The following CHST6 variants were observed in gnomAD, a reference collection of about 807,000 sequenced individuals.
The protein encoded by CHST6 is carbohydrate sulfotransferase 6, also known as N-acetylglucosamine 6-O-sulfotransferase 5.
For synonymous variants in CHST6, 309 were observed against 276.4 expected, an observed-to-expected ratio of 1.12 and a Z score of -1.17; for missense variants, 698 against 586.2, an observed-to-expected ratio of 1.19 and a Z score of -1.97.
At chr16:75,492,589 C>T (rs2080268237) in intron 1 of CHST6, among the ~76,000 whole-genome samples, 1 of 152,224 alleles carries the variant, frequency 6.6e-6, no homozygotes, top group Non-Finnish European at 1.5e-5. Context: ...TGGCTCACGC[C>T]TGTAATCCCA....
At chr16:75,484,534 A>G (rs2151669224) in intron 1 of CHST6, among the ~76,000 whole-genome samples, 1 of 151,942 alleles carries the variant, frequency 6.6e-6, no homozygotes, top group South Asian at 2.1e-4. Flanking sequence ...TACTTTTTGG[A>G]AAAGTTAACA....
At chr16:75,482,208 C>T (rs2080149692) in intron 1 of CHST6, among the ~76,000 whole-genome samples, 1 of 152,164 alleles carries the variant, frequency 6.6e-6, no homozygotes, top group Non-Finnish European at 1.5e-5. Flanking sequence ...CAGTATCTCA[C>T]AGGCCACCCT....
In CHST6 at chr16:75,475,366, G is replaced by C. The variant is rs1271181747; in HGVS notation, c.*3275C>G. The stretch of plus-strand genomic sequence containing the variant: ...CAGGACCAGCCTGGATTCAGAGGTG[G>C]AGAAACAGACTCTACTTCTTGATGG... On this transcript the variant is annotated 3_prime_UTR_variant, in exon 3 of 3. Transcript: ENST00000332272. The C allele has an allele frequency of 2.0e-5, 3 of 152,324 alleles. No homozygotes were observed. In the East Asian group the frequency reaches 5.8e-4, roughly 29 times the overall value. The allele number at this position is 152,324 out of a possible 1,614,324, so 9.4% of individuals were successfully genotyped here.
Position 75,479,307 on chromosome 16 carries a change from C to T in CHST6, c.522G>A (p.Lys174=), listed in dbSNP as rs775925116. The change falls in exon 3 of 3, where the codon AAG becomes AAA. Residue 174 remains lysine, a synonymous_variant. Coordinates refer to ENST00000332272, the MANE Select transcript of CHST6 (RefSeq NM_021615.5). ...ACRSYSHVVL[K]EVRFFNLQVL... ...CCTGCAGGTTGAAGAAGCGCACCTC[C>T]TTGAGCACCACGTGGCTGTAGGAGC... is the stretch of plus-strand genomic sequence containing the variant. 16 of 1,613,254 alleles carry T rather than the reference C, an allele frequency of 9.9e-6. No individual in the cohort carries two copies. In the East Asian group the frequency reaches 2.7e-4, roughly 27 times the overall value.
Position 75,481,878 on chromosome 16 carries a change from A to G in CHST6, c.-78T>C, listed in dbSNP as rs114012239. On this transcript the variant is annotated 5_prime_UTR_variant, in exon 2 of 3. Transcript: ENST00000332272. ...TCACAAATCCATGGGAGATGATTAGAGGTTCCTCAGCACCTGGTAAAGCAG... is the reference window on the plus strand; with the variant it reads ...TCACAAATCCATGGGAGATGATTAGGGGTTCCTCAGCACCTGGTAAAGCAG... 2,152 of 518,768 alleles carry G rather than the reference A, an allele frequency of 4.1e-3. 42 individuals carry two copies. The highest frequency in any genetic ancestry group is 0.038 in the African/African-American group (1,962 of 51,060). The allele number at this position is 518,768 out of a possible 1,614,324, so 32.1% of individuals were successfully genotyped here. A position where few individuals can be genotyped will look rare whatever the true frequency, so the allele number is the denominator to read the frequency against.
Position 75,479,594 on chromosome 16 carries a change from T to C in CHST6, c.235A>G (p.Thr79Ala). The change falls in exon 3 of 3, where the codon ACC becomes GCC. Residue 79 changes from threonine (T) to alanine (A), a missense_variant. By Grantham distance (58) the Thr-to-Ala change is moderately conservative. Transcript: ENST00000332272. ...LMEPAWHVWT[T>A]LSQGSAATLH... ...GTTGCGGCGCTGCCCTGCGACAGGG[T>C]GGTCCACACGTGCCACGCGGGCTCC... 1 of 1,612,802 alleles carries C rather than the reference T, an allele frequency of 6.2e-7. No homozygotes were observed. Among genetic ancestry groups the C allele is most frequent in the African/African-American group, 1.3e-5 (1 of 75,008 alleles).
At chr16:75,489,830 A>T (rs760726408) in intron 1 of CHST6, among the ~76,000 whole-genome samples, 10 of 152,104 alleles carry the variant, frequency 6.6e-5, no homozygotes, top group Non-Finnish European at 1.5e-4. Context: ...AAAGAAAAAA[A>T]TTAAAATGAG....
chr16:75,488,230 G>A (rs957836437), intron 1 of CHST6, among the ~76,000 whole-genome samples: 11 of 151,834 alleles, frequency 7.2e-5, no homozygotes, highest in Non-Finnish European at 1.0e-4. Flanking sequence ...TTGGGAGGCC[G>A]AGGCAGGTGG....
chr16:75,479,637 G>A lies in CHST6; in HGVS notation c.192C>T (p.Pro64=), dbSNP rs1319578198. 1.9e-6 allele frequency: 3 copies of A among 1,612,670 alleles called. No individual in the cohort carries two copies. The highest frequency in any genetic ancestry group is 2.2e-5 in the East Asian group (1 of 44,882). The part of the protein sequence containing the change: ...SFVGQLFNQH[P]DVFYLMEPAW... ...CGGGCTCCATTAGGTAGAAGACGTC[G>A]GGGTGCTGGTTGAAGAGTTGGCCCA... Residue 64 remains proline, a synonymous_variant, in exon 3 of 3, where the codon CCC becomes CCT. Transcript: ENST00000332272.
Position 75,478,516 on chromosome 16 carries a change from AG to A in CHST6, c.*124del. 1.1e-6 allele frequency: 1 copy of A among 915,516 alleles called. No individual in the cohort carries two copies. 56.7% of individuals were successfully genotyped at this position (915,516 alleles called of 1,614,324 possible). ...ACGTGCAGTCCTTGCCTACTTGGGG[AG>A]GGGGAGGGGTCGTACCACAAACTCC... is the stretch of plus-strand genomic sequence containing the variant. On this transcript the variant is annotated 3_prime_UTR_variant, in exon 3 of 3. Coordinates refer to ENST00000332272, the MANE Select transcript of CHST6 (RefSeq NM_021615.5).
chr16:75,484,974 C>G (rs2080180111), intron 1 of CHST6, among the ~76,000 whole-genome samples: 1 of 152,188 alleles, frequency 6.6e-6, no homozygotes, highest in Non-Finnish European at 1.5e-5. Flanking sequence ...GAGCACAAGG[C>G]CAGTCAGGCA....
At chr16:75,482,034 G>C in intron 1 of CHST6, 143 bp from the exon 2 acceptor site, 4 of 361,330 alleles carry the variant, frequency 1.1e-5, no homozygotes, top group South Asian at 8.4e-5. Flanking sequence ...AGATGCTGCT[G>C]CAAACACCTA....
At position 75,476,114 on chromosome 16, in the gene CHST6, T is replaced by C. The variant is rs1207206298; in HGVS notation, c.*2527A>G. The stretch of plus-strand genomic sequence containing the variant: ...CACCTGCCTCAGCCTTCCAAAATGC[T>C]GGGATTACAGGCATGAGCCACCACG... On this transcript the variant is annotated 3_prime_UTR_variant, in exon 3 of 3. Coordinates refer to ENST00000332272, the MANE Select transcript of CHST6 (RefSeq NM_021615.5). 6.6e-6 allele frequency: 1 copy of C among 151,774 alleles called. No homozygotes were observed. The highest frequency in any genetic ancestry group is 1.5e-5 in the Non-Finnish European group (1 of 68,002). 9.4% of individuals were successfully genotyped at this position (151,774 alleles called of 1,614,324 possible).
chr16:75,492,062 T>A (rs916656986), intron 1 of CHST6, among the ~76,000 whole-genome samples: 7 of 152,224 alleles, frequency 4.6e-5, no homozygotes, highest in Non-Finnish European at 1.0e-4. Flanking sequence ...GGCAGGGGGC[T>A]GGGACTGCAA....
chr16:75,477,481 G>C lies in CHST6; in HGVS notation c.*1160C>G, dbSNP rs536258075. 11 of 152,340 alleles carry C rather than the reference G, an allele frequency of 7.2e-5. No individual in the cohort carries two copies. The highest frequency in any genetic ancestry group is 1.0e-4 in the Non-Finnish European group (7 of 68,034). 9.4% of individuals were successfully genotyped at this position (152,340 alleles called of 1,614,324 possible). On this transcript the variant is annotated 3_prime_UTR_variant, in exon 3 of 3. Transcript: ENST00000332272. Reference sequence around the variant, plus strand: ...AGAAGTTCTGTTGGCAGCCAACACAGTTCCCAGACCAGCTCTGTGTTCCAA... The same window carrying C: ...AGAAGTTCTGTTGGCAGCCAACACACTTCCCAGACCAGCTCTGTGTTCCAA...
intron 1 of CHST6, among the ~76,000 whole-genome samples, chr16:75,486,182 C>A (rs115616752): frequency 6.6e-6 from 1 of 152,270 alleles, no homozygotes; most frequent in Non-Finnish European, 1.5e-5. Context: ...CTGTGCCTGT[C>A]AAGGCATGCC....
chr16:75,481,198 C>G (rs1168140538), intron 2 of CHST6, among the ~76,000 whole-genome samples: 1 of 152,042 alleles, frequency 6.6e-6, no homozygotes, highest in African/African-American at 2.4e-5. Context: ...ACTGCTTGAG[C>G]CCAGGAGTTT....
intron 1 of CHST6, among the ~76,000 whole-genome samples, chr16:75,488,963 G>A (rs978540996): frequency 2.6e-5 from 4 of 151,926 alleles, no homozygotes; most frequent in African/African-American, 9.7e-5. Context: ...CAGGAACAAG[G>A]AACCCCTGCA....
Position 75,476,512 on chromosome 16 carries a change from G to C in CHST6, c.*2129C>G, listed in dbSNP as rs2080066951. The C allele has an allele frequency of 8.1e-6, 1 of 123,608 alleles. No homozygotes were observed. The highest frequency in any genetic ancestry group is 3.1e-5 in the African/African-American group (1 of 32,262). 7.7% of individuals were successfully genotyped at this position (123,608 alleles called of 1,614,324 possible). A position where few individuals can be genotyped will look rare whatever the true frequency, so the allele number is the denominator to read the frequency against. ...AGAGGCAGAGGTTGCAGTGAGCCGA[G>C]ATTGTGCCACTGCACTCCAGCCTGG... On this transcript the variant is annotated 3_prime_UTR_variant, in exon 3 of 3. Coordinates refer to ENST00000332272, the MANE Select transcript of CHST6 (RefSeq NM_021615.5).
Sources: gnomAD v4.1 joint callset for allele counts (sites outside exome capture counted in the v4.1 genomes callset) on GRCh38, gnomAD v4.1.1 for gene constraint, MANE v1.5 for transcripts, NCBI Gene and HGNC (gene_info 2026-07-23, HGNC 2026-07-21) for gene names.